Variants in CNTN4 observed in about 807,000 individuals in gnomAD.
CNTN4 encodes the protein contactin 4.
Under a neutral mutation model 122.5 loss-of-function variants are expected in CNTN4, and 77 were observed. The ratio of observed to expected loss-of-function variants is 0.63; its 90% CI spans 0.52 to 0.76. The LOEUF (loss-of-function observed/expected upper bound fraction) is 0.76, where lower values mean the gene tolerates loss of function less well. Among genes scored for constraint, CNTN4 ranks in the 30% least tolerant of loss-of-function variants. CNTN4 has a pLI of 0.00. For synonymous variants in CNTN4, 512 were observed against 447.0 expected (o/e 1.15, Z -1.83); for missense variants, 1,256 against 1,259.1 (o/e 1.00, Z 0.04).
intron 3 of CNTN4, among the ~76,000 whole-genome samples, chr3:2,525,520 T>C (rs1204701662): frequency 6.6e-6 from 1 of 152,132 alleles, no homozygotes; most frequent in Admixed American, 6.6e-5. Context: ...CAAGCAAGTA[T>C]TTTACTTAAA....
At chr3:2,651,409 TAGTC>T (rs751433180) in intron 4 of CNTN4, among the ~76,000 whole-genome samples, 3 of 152,200 alleles carry the variant, frequency 2.0e-5, no homozygotes, top group Non-Finnish European at 4.4e-5. Context: ...ACCACATAGG[TAGTC>T]AGTCATTTGG....
intron 2 of CNTN4, among the ~76,000 whole-genome samples, chr3:2,220,033 G>T (rs1008111733): frequency 6.6e-6 from 1 of 152,112 alleles, no homozygotes; most frequent in Admixed American, 6.6e-5. Flanking sequence ...AGTACTTGCT[G>T]TTAGACAAAT....
At position 2,262,317 on chromosome 3, in the gene CNTN4, T is replaced by C. The variant is rs1559390045; in HGVS notation, c.-144-76861T>C. The C allele has an allele frequency of 2.0e-5, 3 of 152,160 alleles. No individual in the cohort carries two copies. In the East Asian group the frequency reaches 5.8e-4, roughly 29 times the overall value. 9.4% of individuals were successfully genotyped at this position (152,160 alleles called of 1,614,324 possible). On this transcript the variant is annotated intron_variant, in intron 2 of 24. Transcript: ENST00000418658. ...CTGAAAGCATTTCTTCCTTTCTTTA[T>C]TTTTTTTCATATTCTTTCTCTACTG...
chr3:2,393,094 A>C (rs1239286544), intron 3 of CNTN4, among the ~76,000 whole-genome samples: 1 of 152,080 alleles, frequency 6.6e-6, no homozygotes, highest in Non-Finnish European at 1.5e-5. Flanking sequence ...GTTCCATCCT[A>C]TTCTTCTACC....
At chr3:2,989,218 A>C (rs1472496348) in intron 14 of CNTN4, among the ~76,000 whole-genome samples, 2 of 152,100 alleles carry the variant, frequency 1.3e-5, no homozygotes, top group Non-Finnish European at 2.9e-5. Flanking sequence ...AGGATTTTTG[A>C]GTTGAAGGGA....
intron 2 of CNTN4, among the ~76,000 whole-genome samples, chr3:2,149,492 AG>A (rs143139028): frequency 0.019 from 2,828 of 152,242 alleles, 25 homozygotes; most frequent in Middle Eastern, 0.061. Flanking sequence ...AAGCACCTTC[AG>A]GTTTATATGC....
At chr3:2,956,849 C>G (rs1168423844) in intron 13 of CNTN4, among the ~76,000 whole-genome samples, 1 of 152,092 alleles carries the variant, frequency 6.6e-6, no homozygotes, top group Non-Finnish European at 1.5e-5. Flanking sequence ...CTTCTACGAG[C>G]TCTACTTTTT....
At chr3:2,346,694 G>T (rs2044408511) in intron 3 of CNTN4, among the ~76,000 whole-genome samples, 1 of 152,234 alleles carries the variant, frequency 6.6e-6, no homozygotes, top group Middle Eastern at 3.4e-3. Context: ...AATGAAATCT[G>T]CTGTTAGTCA....
chr3:2,549,154 A>T (rs557442350), intron 3 of CNTN4, among the ~76,000 whole-genome samples: 81 of 152,282 alleles, frequency 5.3e-4, no homozygotes, highest in African/African-American at 1.9e-3. Context: ...AAACAGAGAC[A>T]ATTTGACTTC....
intron 2 of CNTN4, among the ~76,000 whole-genome samples, chr3:2,170,237 G>T (rs971819444): frequency 1.3e-5 from 2 of 151,668 alleles, no homozygotes; most frequent in Non-Finnish European, 3.0e-5. Context: ...GGAGAATGGC[G>T]GGAACCCGGG....
intron 6 of CNTN4, among the ~76,000 whole-genome samples, chr3:2,783,751 C>T (rs1023692430): frequency 1.3e-5 from 2 of 152,160 alleles, no homozygotes; most frequent in African/African-American, 2.4e-5. Context: ...AGAGTTGTAA[C>T]GTAAAGACGA....
At chr3:2,580,800 C>T (rs2079900075) in intron 4 of CNTN4, among the ~76,000 whole-genome samples, 1 of 152,126 alleles carries the variant, frequency 6.6e-6, no homozygotes, top group South Asian at 2.1e-4. Context: ...GTTTTGTATG[C>T]ACTATCACCC....
intron 4 of CNTN4, among the ~76,000 whole-genome samples, chr3:2,604,864 A>G (rs1397215600): frequency 6.6e-6 from 1 of 151,782 alleles, no homozygotes; most frequent in African/African-American, 2.4e-5. Context: ...TTCCTCTTAT[A>G]GTAAGAGCCA....
chr3:2,753,683 T>C (rs1387244957), intron 6 of CNTN4, among the ~76,000 whole-genome samples: 1 of 152,162 alleles, frequency 6.6e-6, no homozygotes, highest in East Asian at 1.9e-4. Context: ...AATCCGTAGA[T>C]TTGGGTGGTT....
intron 5 of CNTN4, among the ~76,000 whole-genome samples, chr3:2,736,694 C>T (rs892205271): frequency 6.6e-6 from 1 of 151,916 alleles, no homozygotes; most frequent in African/African-American, 2.4e-5. Context: ...AACTCCCAAC[C>T]TCAGGTGATC....
At chr3:2,784,106 A>G (rs1489964059) in intron 6 of CNTN4, among the ~76,000 whole-genome samples, 1 of 152,190 alleles carries the variant, frequency 6.6e-6, no homozygotes. Flanking sequence ...CTACATATAG[A>G]CATTTAGAAA....
chr3:2,110,789 C>T (rs1469572495), intron 2 of CNTN4, among the ~76,000 whole-genome samples: 3 of 151,998 alleles, frequency 2.0e-5, no homozygotes, highest in Admixed American at 2.0e-4. Context: ...TCCATTTTCA[C>T]TGTTCTCAGC....
chr3:2,835,196 C>T (rs1007818978), intron 7 of CNTN4, among the ~76,000 whole-genome samples: 7 of 152,010 alleles, frequency 4.6e-5, no homozygotes, highest in Non-Finnish European at 1.0e-4. Flanking sequence ...TGAGCCACCT[C>T]GCCCGGCAGA....
chr3:2,814,336 C>G (rs190002323), intron 6 of CNTN4, among the ~76,000 whole-genome samples: 2 of 152,176 alleles, frequency 1.3e-5, no homozygotes, highest in Admixed American at 1.3e-4. Flanking sequence ...TCAATACTAT[C>G]TTTGGTGACC....
Sources: gnomAD v4.1 joint callset for allele counts (sites outside exome capture counted in the v4.1 genomes callset) on GRCh38, gnomAD v4.1.1 for gene constraint, MANE v1.5 for transcripts, NCBI Gene and HGNC (gene_info 2026-07-23, HGNC 2026-07-21) for gene names.